PTPRD: variants seen among roughly 807,000 people sequenced by gnomAD.
The protein encoded by PTPRD is receptor-type tyrosine-protein phosphatase delta.
Under a neutral mutation model 214.5 loss-of-function variants are expected in PTPRD, and 34 were observed. That is an observed-to-expected ratio of 0.16 (90% CI 0.12 to 0.21). PTPRD has a LOEUF of 0.21. Among genes scored for constraint, PTPRD ranks in the 10% least tolerant of loss-of-function variants. The pLI is 1.00. For synonymous variants in PTPRD, 1,128 were observed against 845.7 expected, an observed-to-expected ratio of 1.33 and a Z score of -5.79; for missense variants, 2,545 against 2,398.7, an observed-to-expected ratio of 1.06 and a Z score of -1.27.
chr9:8,492,264 G>A (rs1277939682), intron 27 of PTPRD, among the ~76,000 whole-genome samples: 1 of 152,102 alleles, frequency 6.6e-6, no homozygotes, highest in Non-Finnish European at 1.5e-5. Flanking sequence ...CTCTTCTAAG[G>A]GGATTTGTTT....
chr9:10,093,675 A>G (rs2098455024), intron 3 of PTPRD, among the ~76,000 whole-genome samples: 1 of 151,572 alleles, frequency 6.6e-6, no homozygotes, highest in Admixed American at 6.6e-5. Flanking sequence ...TACAATAACA[A>G]ACACATGGAA....
At chr9:8,543,734 A>G (rs1302683794) in intron 14 of PTPRD, among the ~76,000 whole-genome samples, 1 of 152,110 alleles carries the variant, frequency 6.6e-6, no homozygotes, top group African/African-American at 2.4e-5. Context: ...TCTTTTTGAG[A>G]CAGAGTCTTG....
chr9:9,608,751 T>A (rs1472014973), intron 7 of PTPRD, among the ~76,000 whole-genome samples: 2 of 152,226 alleles, frequency 1.3e-5, no homozygotes, highest in Non-Finnish European at 2.9e-5. Flanking sequence ...GGCACTTAAC[T>A]TGCTTCATGA....
intron 9 of PTPRD, among the ~76,000 whole-genome samples, chr9:9,352,314 T>TATATAC (rs1180328642): frequency 2.2e-5 from 2 of 90,646 alleles, no homozygotes; most frequent in African/African-American, 8.3e-5. Context: ...AAAAACCATA[T>TATATAC]ATATATATAT....
chr9:9,084,353 G>A (rs566305161), intron 10 of PTPRD, among the ~76,000 whole-genome samples: 1 of 152,246 alleles, frequency 6.6e-6, no homozygotes, highest in African/African-American at 2.4e-5. Context: ...GTTGAACAAT[G>A]AGAACATATG....
intron 21 of PTPRD, among the ~76,000 whole-genome samples, chr9:8,516,621 C>T (rs1056982168): frequency 6.6e-6 from 1 of 151,630 alleles, no homozygotes; most frequent in African/African-American, 2.4e-5. Context: ...AATTCATTGC[C>T]AGGATTAGCA....
chr9:9,335,276 C>A (rs907222874), intron 9 of PTPRD, among the ~76,000 whole-genome samples: 3 of 152,040 alleles, frequency 2.0e-5, no homozygotes, highest in Non-Finnish European at 2.9e-5. Context: ...TACTCATCAC[C>A]AATCTGATCA....
chr9:9,282,792 G>T (rs901018248), intron 9 of PTPRD, among the ~76,000 whole-genome samples: 6 of 151,538 alleles, frequency 4.0e-5, no homozygotes, highest in Admixed American at 2.6e-4. Flanking sequence ...GTCAATAATT[G>T]TGGTTAAAGC....
At chr9:9,848,730 T>G (rs999063436) in intron 5 of PTPRD, among the ~76,000 whole-genome samples, 2 of 152,092 alleles carry the variant, frequency 1.3e-5, no homozygotes, top group South Asian at 2.1e-4. Flanking sequence ...TCTTCATCAT[T>G]TTAATACAAA....
At chr9:10,467,433 G>A (rs1009809462) in intron 2 of PTPRD, among the ~76,000 whole-genome samples, 2 of 152,062 alleles carry the variant, frequency 1.3e-5, no homozygotes. Flanking sequence ...TTCTCCACAA[G>A]TCTTACTACA....
intron 8 of PTPRD, among the ~76,000 whole-genome samples, chr9:9,472,380 T>C (rs983327477): frequency 6.6e-6 from 1 of 151,812 alleles, no homozygotes; most frequent in Non-Finnish European, 1.5e-5. Flanking sequence ...ATTTTTTGTA[T>C]TTTTAGTAGA....
chr9:9,846,628 G>A (rs75584895), intron 5 of PTPRD, among the ~76,000 whole-genome samples: 2 of 152,106 alleles, frequency 1.3e-5, no homozygotes, highest in Non-Finnish European at 2.9e-5. Flanking sequence ...ATGTCAAGGA[G>A]TTCTGGTTTT....
chr9:8,426,054 T>C (rs1483245805), intron 35 of PTPRD, among the ~76,000 whole-genome samples: 5 of 152,134 alleles, frequency 3.3e-5, no homozygotes, highest in Admixed American at 6.5e-5. Flanking sequence ...GAGAATGTTA[T>C]AGAAGATAAA....
In PTPRD at chr9:9,360,994, T is replaced by C. The variant is rs140273923; in HGVS notation, c.-203+36455A>G. 2.4e-4 allele frequency among the ~76,000 whole-genome samples: 36 copies of C among 151,252 alleles called. No homozygotes were observed. In the East Asian group the frequency reaches 6.8e-3, roughly 29 times the overall value. The stretch of plus-strand genomic sequence containing the variant: ...AACTGCAGTGCCAAATAGAGATGAC[T>C]TGGTTAATATTTGAATACATGGCCA... On this transcript the variant is annotated intron_variant, in intron 9 of 45. Coordinates refer to ENST00000381196, the MANE Select transcript of PTPRD (RefSeq NM_002839.4).
At chr9:8,738,900 A>G (rs2091186354) in intron 11 of PTPRD, among the ~76,000 whole-genome samples, 1 of 152,192 alleles carries the variant, frequency 6.6e-6, no homozygotes, top group South Asian at 2.1e-4. Context: ...GCAATATCAT[A>G]ATGATATTTA....
intron 14 of PTPRD, among the ~76,000 whole-genome samples, chr9:8,545,495 G>T (rs1035085568): frequency 2.6e-5 from 4 of 152,174 alleles, no homozygotes; most frequent in African/African-American, 9.7e-5. Flanking sequence ...GGAAAACCAT[G>T]TATCTTGATA....
chr9:10,135,189 T>G (rs1405199526), intron 3 of PTPRD, among the ~76,000 whole-genome samples: 1 of 152,136 alleles, frequency 6.6e-6, no homozygotes, highest in Non-Finnish European at 1.5e-5. Context: ...AGAAAGAATG[T>G]TTAGAAATAA....
chr9:8,670,125 C>T (rs941576159), intron 12 of PTPRD, among the ~76,000 whole-genome samples: 1 of 151,802 alleles, frequency 6.6e-6, no homozygotes, highest in Non-Finnish European at 1.5e-5. Flanking sequence ...TGGTTTTCTT[C>T]TCTAACCCCT....
intron 4 of PTPRD, among the ~76,000 whole-genome samples, chr9:9,956,221 G>A (rs1462758711): frequency 6.6e-6 from 1 of 150,566 alleles, no homozygotes; most frequent in Non-Finnish European, 1.5e-5. Context: ...TATGGGGAAA[G>A]GAAATAATGT....
Sources: gnomAD v4.1 joint callset for allele counts (sites outside exome capture counted in the v4.1 genomes callset) on GRCh38, gnomAD v4.1.1 for gene constraint, MANE v1.5 for transcripts, NCBI Gene and HGNC (gene_info 2026-07-23, HGNC 2026-07-21) for gene names.